Variants in PAK5 observed in about 807,000 individuals in gnomAD.
PAK5 encodes serine/threonine-protein kinase PAK 5.
PAK5 carries 16 observed loss-of-function variants against 65.9 expected under a neutral mutation model. The observed-to-expected ratio is 0.24, with a 90% CI of 0.16 to 0.37. PAK5 has a LOEUF of 0.37. Among genes scored for constraint, PAK5 ranks in the 10% least tolerant of loss-of-function variants. The probability of loss-of-function intolerance (pLI) is 1.00; values close to 1 mark genes in which losing one functional copy is unlikely to be tolerated. For missense variants in PAK5, 785 were observed against 903.9 expected, an observed-to-expected ratio of 0.87 and a Z score of 1.69; for synonymous variants, 371 against 354.9, an observed-to-expected ratio of 1.05 and a Z score of -0.51.
At chr20:9,579,490 G>T (rs2045941747) in intron 4 of PAK5, among the ~76,000 whole-genome samples, 2 of 152,114 alleles carry the variant, frequency 1.3e-5, no homozygotes, top group African/African-American at 4.8e-5. Context: ...ACTTGGAGCT[G>T]CTAACATTTA....
intron 1 of PAK5, among the ~76,000 whole-genome samples, chr20:9,782,983 G>A (rs1022209909): frequency 6.7e-6 from 1 of 149,160 alleles, no homozygotes; most frequent in African/African-American, 2.5e-5. Flanking sequence ...AGGCTGGAGT[G>A]TAATGGCATG....
At chr20:9,807,697 C>T (rs115874804) in intron 1 of PAK5, among the ~76,000 whole-genome samples, 1,694 of 151,514 alleles carry the variant, frequency 0.011, 22 homozygotes, top group African/African-American at 0.039. Flanking sequence ...AATTTGGGGG[C>T]CTTGTGGCTA....
chr20:9,709,988 C>T (rs1435110906), intron 2 of PAK5, among the ~76,000 whole-genome samples: 1 of 152,140 alleles, frequency 6.6e-6, no homozygotes, highest in Non-Finnish European at 1.5e-5. Context: ...TTGCTTGAAT[C>T]CATATATTCT....
intron 7 of PAK5, among the ~76,000 whole-genome samples, chr20:9,546,255 C>A (rs761873947): frequency 6.6e-6 from 1 of 152,212 alleles, no homozygotes; most frequent in African/African-American, 2.4e-5. Flanking sequence ...GGCTTTATCA[C>A]ACACCTATCT....
chr20:9,603,496 T>G (rs1225952362), intron 3 of PAK5, among the ~76,000 whole-genome samples: 2 of 152,214 alleles, frequency 1.3e-5, no homozygotes, highest in African/African-American at 4.8e-5. Context: ...TCTCCCTGGC[T>G]GATCCCCAGC....
At chr20:9,557,050 G>A (rs1455141210) in intron 7 of PAK5, among the ~76,000 whole-genome samples, 1 of 152,176 alleles carries the variant, frequency 6.6e-6, no homozygotes, top group Non-Finnish European at 1.5e-5. Context: ...GATTCTAGTA[G>A]CCAGGACCTT....
At chr20:9,569,711 C>T (rs1470344193) in intron 4 of PAK5, among the ~76,000 whole-genome samples, 2 of 152,046 alleles carry the variant, frequency 1.3e-5, no homozygotes, top group Non-Finnish European at 2.9e-5. Flanking sequence ...TCTATCACAT[C>T]ATGGAGCAAT....
At position 9,658,136 on chromosome 20, in the gene PAK5, C is replaced by T. The variant is rs976245758; in HGVS notation, c.-11-13797G>A. On this transcript the variant is annotated intron_variant, in intron 2 of 9. Transcript: ENST00000353224. ...CTGTTATTTGTTTGTTTAAAACTTA[C>T]TGGGAATTATGAGTAGATTAGTTGA... 2.6e-5 allele frequency among the ~76,000 whole-genome samples: 4 copies of T among 152,162 alleles called. 1 individual carries two copies. The South Asian group carries it at 8.3e-4, about 32-fold the overall frequency.
At chr20:9,769,214 C>A (rs2048806561) in intron 1 of PAK5, among the ~76,000 whole-genome samples, 1 of 152,212 alleles carries the variant, frequency 6.6e-6, no homozygotes, top group African/African-American at 2.4e-5. Context: ...CATGACTTGG[C>A]CCACAGCATA....
intron 3 of PAK5, among the ~76,000 whole-genome samples, chr20:9,598,286 A>T (rs2046305943): frequency 1.3e-5 from 2 of 152,308 alleles, no homozygotes. Flanking sequence ...AAAGGACATG[A>T]TCTCATTCCT....
At chr20:9,728,656 A>G (rs2048301985) in intron 1 of PAK5, among the ~76,000 whole-genome samples, 1 of 152,200 alleles carries the variant, frequency 6.6e-6, no homozygotes, top group Admixed American at 6.5e-5. Flanking sequence ...GACTGAACAG[A>G]GAAAGGATGT....
At chr20:9,797,599 A>G (rs975961253) in intron 1 of PAK5, among the ~76,000 whole-genome samples, 3 of 151,974 alleles carry the variant, frequency 2.0e-5, no homozygotes, top group Non-Finnish European at 4.4e-5. Flanking sequence ...TGCATAGGTA[A>G]CAAACTTGCC....
chr20:9,623,597 C>A (rs1412065842), intron 3 of PAK5, among the ~76,000 whole-genome samples: 2 of 152,022 alleles, frequency 1.3e-5, no homozygotes, highest in Non-Finnish European at 2.9e-5. Flanking sequence ...ACAATGCTTA[C>A]AGATACCCAA....
intron 1 of PAK5, among the ~76,000 whole-genome samples, chr20:9,733,160 A>G (rs2048351642): frequency 6.6e-6 from 1 of 152,208 alleles, no homozygotes; most frequent in Non-Finnish European, 1.5e-5. Context: ...TCACAGAAGT[A>G]ATAGTTTAGT....
At chr20:9,552,924 A>G (rs1441672017) in intron 7 of PAK5, among the ~76,000 whole-genome samples, 2 of 151,952 alleles carry the variant, frequency 1.3e-5, no homozygotes, top group African/African-American at 4.8e-5. Flanking sequence ...ATGGGACTTC[A>G]ATATGTTTCC....
At chr20:9,744,245 G>T (rs370665818) in intron 1 of PAK5, among the ~76,000 whole-genome samples, 21 of 152,296 alleles carry the variant, frequency 1.4e-4, no homozygotes, top group African/African-American at 5.1e-4. Flanking sequence ...GAGGTAATTG[G>T]TTACAGTGGT....
intron 1 of PAK5, among the ~76,000 whole-genome samples, chr20:9,802,910 G>GTATATATACATATATA (rs1555929052): frequency 2.2e-5 from 1 of 46,364 alleles, no homozygotes; most frequent in Non-Finnish European, 3.9e-5. Flanking sequence ...ATATGTATGT[G>GTATATATACATATATA]TATATATATA....
At chr20:9,804,778 A>T (rs531463240) in intron 1 of PAK5, among the ~76,000 whole-genome samples, 2 of 152,192 alleles carry the variant, frequency 1.3e-5, no homozygotes, top group African/African-American at 4.8e-5. Flanking sequence ...GCCAGGTGTG[A>T]TGGCTCATGT....
chr20:9,807,762 A>AAATAAT (rs71184158), intron 1 of PAK5, among the ~76,000 whole-genome samples: 20,735 of 142,220 alleles, frequency 0.15, 1,663 homozygotes, highest in Non-Finnish European at 0.17. Flanking sequence ...AGCAAAAAAT[A>AAATAAT]AATAATAATA....
Sources: gnomAD v4.1 joint callset for allele counts (sites outside exome capture counted in the v4.1 genomes callset) on GRCh38, gnomAD v4.1.1 for gene constraint, MANE v1.5 for transcripts, NCBI Gene and HGNC (gene_info 2026-07-23, HGNC 2026-07-21) for gene names.